ROR2: variants seen among roughly 807,000 people sequenced by gnomAD.
The protein encoded by ROR2 is tyrosine-protein kinase transmembrane receptor ROR2.
Under a neutral mutation model 74.9 loss-of-function variants are expected in ROR2, and 33 were observed. The observed-to-expected ratio is 0.44, with a 90% CI of 0.33 to 0.59. The LOEUF (loss-of-function observed/expected upper bound fraction) is 0.59. Ranked by LOEUF, ROR2 falls within the 20% of genes least tolerant of loss-of-function variation. ROR2 has a pLI of 0.02. For synonymous variants in ROR2, 586 were observed against 558.7 expected (o/e 1.05, Z -0.69); for missense variants, 1,216 against 1,313.8 (o/e 0.93, Z 1.15).
At chr9:91,856,132 G>A (rs887013147) in intron 1 of ROR2, among the ~76,000 whole-genome samples, 1 of 152,220 alleles carries the variant, frequency 6.6e-6, no homozygotes, top group African/African-American at 2.4e-5. Flanking sequence ...AGGAGGCTGA[G>A]GTGGGCTTGA....
intron 1 of ROR2, among the ~76,000 whole-genome samples, chr9:91,804,106 G>A (rs921935056): frequency 6.6e-6 from 1 of 152,120 alleles, no homozygotes; most frequent in African/African-American, 2.4e-5. Flanking sequence ...CTGAAAATAG[G>A]AACCATCATG....
chr9:91,924,960 T>C (rs1034384435), intron 1 of ROR2, among the ~76,000 whole-genome samples: 1 of 152,072 alleles, frequency 6.6e-6, no homozygotes, highest in Non-Finnish European at 1.5e-5. Context: ...TCCTCTCACT[T>C]TAGCCTCCCA....
intron 4 of ROR2, among the ~76,000 whole-genome samples, chr9:91,741,986 G>T (rs981489165): frequency 1.3e-5 from 2 of 152,312 alleles, no homozygotes; most frequent in South Asian, 2.1e-4. Context: ...TAACCTAGAT[G>T]TAAGAATCAG....
chr9:91,949,300 G>T (rs1432291783), intron 1 of ROR2, among the ~76,000 whole-genome samples: 1 of 151,896 alleles, frequency 6.6e-6, no homozygotes, highest in Admixed American at 6.5e-5. Context: ...AGCGGCCCGC[G>T]GGCTGGGAAA....
chr9:91,950,195 C>A lies in ROR2; in HGVS notation c.-232G>T. 1 of 279,176 alleles carries A rather than the reference C, an allele frequency of 3.6e-6. No homozygotes were observed. The highest frequency in any genetic ancestry group is 6.6e-6 in the Non-Finnish European group (1 of 151,200). 17.3% of individuals were successfully genotyped at this position (279,176 alleles called of 1,614,324 possible). ...TTCCTTGGCGCGGGCTGGGGCGTCC[C>A]GCCGGCCGCCAGGACGAGCGCGGGG... On this transcript the variant is annotated 5_prime_UTR_variant, in exon 1 of 9. Coordinates refer to ENST00000375708, the MANE Select transcript of ROR2 (RefSeq NM_004560.4).
At chr9:91,824,172 A>C (rs1019554032) in intron 1 of ROR2, among the ~76,000 whole-genome samples, 25 of 152,332 alleles carry the variant, frequency 1.6e-4, no homozygotes, top group Non-Finnish European at 1.8e-4. Context: ...TCCCAGAGAG[A>C]CACCATTACC....
At chr9:91,867,777 G>A (rs576825846) in intron 1 of ROR2, among the ~76,000 whole-genome samples, 2 of 149,886 alleles carry the variant, frequency 1.3e-5, no homozygotes, top group Admixed American at 6.6e-5. Context: ...GCCACAGTGT[G>A]GCACACATGT....
chr9:91,818,586 T>G (rs559351739), intron 1 of ROR2, among the ~76,000 whole-genome samples: 2 of 152,198 alleles, frequency 1.3e-5, no homozygotes, highest in Non-Finnish European at 2.9e-5. Context: ...CAGAGCCTTC[T>G]GAGGTGGCCG....
At chr9:91,890,240 T>C (rs765448762) in intron 1 of ROR2, among the ~76,000 whole-genome samples, 5 of 152,180 alleles carry the variant, frequency 3.3e-5, no homozygotes, top group Non-Finnish European at 5.9e-5. Context: ...AGGACCCACC[T>C]TGGGTACGGA....
At chr9:91,868,268 G>C (rs1829699627) in intron 1 of ROR2, among the ~76,000 whole-genome samples, 1 of 152,044 alleles carries the variant, frequency 6.6e-6, no homozygotes, top group Non-Finnish European at 1.5e-5. Context: ...AATAAGGACA[G>C]AGAAGTGTCA....
At chr9:91,854,707 G>A (rs564001842) in intron 1 of ROR2, among the ~76,000 whole-genome samples, 11 of 152,290 alleles carry the variant, frequency 7.2e-5, no homozygotes, top group African/African-American at 2.4e-4. Flanking sequence ...AGTGGAAGGC[G>A]GTTGGTAAGC....
intron 1 of ROR2, among the ~76,000 whole-genome samples, chr9:91,831,968 G>A (rs909554193): frequency 6.6e-5 from 10 of 152,250 alleles, no homozygotes; most frequent in Admixed American, 3.9e-4. Context: ...AAGTCAGAGA[G>A]CCCCAGACCA....
rs1256906981 is a variant in ROR2, at chr9:91,723,860, G to A, written c.2634C>T (p.Pro878=). The A allele has an allele frequency of 6.2e-7, 1 of 1,614,062 alleles. No homozygotes were observed. Among genetic ancestry groups the A allele is most frequent in the Non-Finnish European group, 8.5e-7 (1 of 1,180,036 alleles). The part of the protein sequence containing the change: ...STSTGYVTTA[P]SNTSMADRAA... ...CCCTGTCTGCCATGGATGTGTTGGA[G>A]GGGGCCGTGGTGACGTAGCCTGTGC... The change falls in exon 9 of 9, where the codon CCC becomes CCT. Residue 878 remains proline, a synonymous_variant. Coordinates refer to ENST00000375708, the MANE Select transcript of ROR2 (RefSeq NM_004560.4).
chr9:91,726,281 C>T (rs1414391219), intron 8 of ROR2, among the ~76,000 whole-genome samples: 1 of 152,124 alleles, frequency 6.6e-6, no homozygotes, highest in African/African-American at 2.4e-5. Flanking sequence ...TCGCTGGGGC[C>T]CACAGGGGCA....
chr9:91,814,632 G>T (rs1323914914), intron 1 of ROR2, among the ~76,000 whole-genome samples: 2 of 152,226 alleles, frequency 1.3e-5, no homozygotes, highest in African/African-American at 4.8e-5. Flanking sequence ...GTTAACCTGA[G>T]ATCCCCCACG....
At chr9:91,897,436 A>G (rs1041455827) in intron 1 of ROR2, among the ~76,000 whole-genome samples, 3 of 152,230 alleles carry the variant, frequency 2.0e-5, no homozygotes, top group African/African-American at 7.2e-5. Context: ...AAACGTTATA[A>G]TAATAGTCTC....
chr9:91,790,595 G>C (rs1263020439), intron 1 of ROR2, among the ~76,000 whole-genome samples: 2 of 151,798 alleles, frequency 1.3e-5, no homozygotes, highest in African/African-American at 4.8e-5. Flanking sequence ...TATGTTGTTG[G>C]TTTATGTACT....
At chr9:91,737,180 T>C (rs146973501) in intron 5 of ROR2, among the ~76,000 whole-genome samples, 169 of 152,358 alleles carry the variant, frequency 1.1e-3, no homozygotes, top group Middle Eastern at 0.01. Context: ...CACTTGCTAA[T>C]TTAAACATAC....
chr9:91,739,073 C>T (rs73504500), intron 4 of ROR2, among the ~76,000 whole-genome samples: 2,862 of 152,300 alleles, frequency 0.019, 87 homozygotes, highest in African/African-American at 0.064. Flanking sequence ...TGAAGATGCT[C>T]GGACAAGCCT....
Sources: gnomAD v4.1 joint callset for allele counts (sites outside exome capture counted in the v4.1 genomes callset) on GRCh38, gnomAD v4.1.1 for gene constraint, MANE v1.5 for transcripts, NCBI Gene and HGNC (gene_info 2026-07-23, HGNC 2026-07-21) for gene names.